The following FAM53A variants were observed in gnomAD, a reference collection of about 807,000 sequenced individuals.
The protein encoded by FAM53A is family with sequence similarity 53 member A.
Under a neutral mutation model 26.6 loss-of-function variants are expected in FAM53A, and 28 were observed. The ratio of observed to expected loss-of-function variants is 1.05; its 90% confidence interval spans 0.78 to 1.45. The LOEUF (loss-of-function observed/expected upper bound fraction) is 1.45. Among genes scored for constraint, FAM53A ranks in the 40% most tolerant of loss-of-function variants. The probability of loss-of-function intolerance (pLI) is 0.00; values close to 1 mark genes in which losing one functional copy is unlikely to be tolerated. For synonymous variants in FAM53A, 290 were observed against 253.1 expected, an observed-to-expected ratio of 1.15 and a Z score of -1.38; for missense variants, 650 against 575.8, an observed-to-expected ratio of 1.13 and a Z score of -1.32.
intron 1 of FAM53A, among the ~76,000 whole-genome samples, chr4:1,633,818 T>C (rs1005327055): frequency 3.3e-5 from 5 of 151,468 alleles, no homozygotes; most frequent in African/African-American, 1.2e-4. Context: ...CAAGAACATA[T>C]ACATTACCAG....
At chr4:1,667,864 A>G (rs990564696) in intron 2 of FAM53A, among the ~76,000 whole-genome samples, 4 of 152,164 alleles carry the variant, frequency 2.6e-5, no homozygotes, top group Admixed American at 2.6e-4. Context: ...TGGATCTGCC[A>G]TCTAACTAGG....
At chr4:1,605,627 C>T in the FAM53A span, among the ~76,000 whole-genome samples, 3 of 151,900 alleles carry the variant, frequency 2.0e-5, no homozygotes, top group African/African-American at 4.8e-5. This position sits in a 1 kb window ranked among gnomAD's most constrained non-coding sequence, Gnocchi z 5.7. Flanking sequence ...CGCGGCTCCT[C>T]GGGGTGCCTC....
chr4:1,648,900 G>A (rs1373083998), intron 4 of FAM53A, among the ~76,000 whole-genome samples: 3 of 152,156 alleles, frequency 2.0e-5, no homozygotes, highest in Non-Finnish European at 2.9e-5. Context: ...ATTACCTGAG[G>A]CCAAGAGTTC....
intron 4 of FAM53A, among the ~76,000 whole-genome samples, chr4:1,649,815 G>A (rs1426142683): frequency 6.7e-6 from 1 of 150,286 alleles, no homozygotes; most frequent in East Asian, 1.9e-4. Context: ...AGGTGGCTCA[G>A]GCATGGTGTT....
At chr4:1,685,194 T>C (rs1715741813), upstream of FAM53A, among the ~76,000 whole-genome samples, 1 of 151,742 alleles carries the variant, frequency 6.6e-6, no homozygotes, top group African/African-American at 2.4e-5. Context: ...TCCACTGAGG[T>C]AGGGCGGGAT....
chr4:1,667,446 A>G (rs1280980119), intron 2 of FAM53A, among the ~76,000 whole-genome samples: 1 of 152,184 alleles, frequency 6.6e-6, no homozygotes, highest in Non-Finnish European at 1.5e-5. Flanking sequence ...AAACGTACTA[A>G]TTACAGGACA....
chr4:1,660,140 G>C (rs1713719514), intron 2 of FAM53A, among the ~76,000 whole-genome samples: 1 of 152,088 alleles, frequency 6.6e-6, no homozygotes, highest in African/African-American at 2.4e-5. Flanking sequence ...AAAATTAGCT[G>C]GGTGTGGTGG....
intron 1 of FAM53A, among the ~76,000 whole-genome samples, chr4:1,629,968 T>C (rs533021127): frequency 6.6e-6 from 1 of 152,290 alleles, no homozygotes; most frequent in South Asian, 2.1e-4. Flanking sequence ...AGATGCCGGA[T>C]GGAGCTTCCC....
chr4:1,655,242 C>A lies in FAM53A; in HGVS notation c.618G>T (p.Pro206=), dbSNP rs773123874. Residue 206 remains proline, a synonymous_variant, in exon 4 of 5, where the codon CCG becomes CCT. Transcript: ENST00000308132. ...AGCAGGACTCCGCGGAACACCAGAG[C>A]GGGCCTGAGCCCGCACTGCCCTCGC... ...DSSEGSAGSG[P]LWCSAESCLP... is the part of the protein sequence containing the mutation. The A allele has an allele frequency of 6.6e-7, 1 of 1,504,834 alleles. No individual in the cohort carries two copies. Among genetic ancestry groups the A allele is most frequent in the Non-Finnish European group, 8.8e-7 (1 of 1,137,362 alleles). The allele number at this position is 1,504,834 out of a possible 1,614,324, so 93.2% of individuals were successfully genotyped here.
chr4:1,616,407 G>A (rs1356623426), downstream of FAM53A, among the ~76,000 whole-genome samples: 1 of 145,546 alleles, frequency 6.9e-6, no homozygotes, highest in African/African-American at 2.8e-5. Context: ...CGCCCAGCAG[G>A]CTGGATGACA....
chr4:1,585,586 A>G, the FAM53A span, among the ~76,000 whole-genome samples: 2 of 152,000 alleles, frequency 1.3e-5, no homozygotes, highest in East Asian at 3.9e-4. Context: ...ACCCGGCCCA[A>G]TGTCTCTACC....
At chr4:1,652,131 T>TACACCACACACACCA (rs1712869720) in intron 4 of FAM53A, among the ~76,000 whole-genome samples, 2 of 124,526 alleles carry the variant, frequency 1.6e-5, no homozygotes, top group Non-Finnish European at 3.4e-5. Context: ...CACACACACC[T>TACACCACACACACCA]CATACACCAC....
At chr4:1,621,746 G>A (rs75809785) in intron 1 of FAM53A, among the ~76,000 whole-genome samples, 3,882 of 152,348 alleles carry the variant, frequency 0.025, 140 homozygotes, top group African/African-American at 0.072. Flanking sequence ...TGGGTCTGCA[G>A]GAACCAGCAG....
downstream of FAM53A, among the ~76,000 whole-genome samples, chr4:1,613,030 C>T (rs1025245622): frequency 3.4e-4 from 52 of 152,222 alleles, no homozygotes; most frequent in Non-Finnish European, 6.9e-4. Context: ...CAGCCCTACC[C>T]AGTGACCAAA....
At chr4:1,657,202 C>G (rs531038351) in intron 3 of FAM53A, among the ~76,000 whole-genome samples, 8 of 152,386 alleles carry the variant, frequency 5.2e-5, no homozygotes, top group African/African-American at 1.9e-4. Flanking sequence ...CTACACGAGC[C>G]GTCCTGCTCA....
At chr4:1,653,969 C>T (rs1222410541) in intron 4 of FAM53A, among the ~76,000 whole-genome samples, 1 of 152,220 alleles carries the variant, frequency 6.6e-6, no homozygotes, top group Non-Finnish European at 1.5e-5. Flanking sequence ...ACACTATGGA[C>T]AGCTCCACCC....
At chr4:1,625,757 G>T (rs867297206) in intron 1 of FAM53A, among the ~76,000 whole-genome samples, 1 of 115,598 alleles carries the variant, frequency 8.7e-6, no homozygotes, top group Non-Finnish European at 1.8e-5. Context: ...CCACGTCCCG[G>T]CCCACATGGT....
At chr4:1,607,400 C>T in the FAM53A span, among the ~76,000 whole-genome samples, 5 of 151,698 alleles carry the variant, frequency 3.3e-5, no homozygotes, top group Admixed American at 1.3e-4. Flanking sequence ...TGGAAACGTG[C>T]GTGCGTACAC....
chr4:1,615,988 G>A (rs1714798770), downstream of FAM53A, among the ~76,000 whole-genome samples: 1 of 152,188 alleles, frequency 6.6e-6, no homozygotes, highest in South Asian at 2.1e-4. Context: ...AGCTCAAGGG[G>A]CCTCCTGCCT....
Sources: gnomAD v4.1 joint callset for allele counts (sites outside exome capture counted in the v4.1 genomes callset) on GRCh38, gnomAD v4.1.1 for gene constraint, Gnocchi (gnomAD v3.1) non-coding constraint, MANE v1.5 for transcripts, NCBI Gene and HGNC (gene_info 2026-07-23, HGNC 2026-07-21) for gene names.